Variants in PLPPR5 observed in about 807,000 individuals in gnomAD.
PLPPR5 encodes phospholipid phosphatase related 5, also known as phospholipid phosphatase-related protein type 5.
Under a neutral mutation model 33.9 loss-of-function variants are expected in PLPPR5, and 16 were observed. The ratio of observed to expected loss-of-function variants is 0.47; its 90% CI spans 0.32 to 0.72. The LOEUF (loss-of-function observed/expected upper bound fraction) is 0.72. PLPPR5 is among the 30% of genes least tolerant of loss of function. The pLI, the probability that PLPPR5 is intolerant of heterozygous loss-of-function variation, is 0.03. For missense variants in PLPPR5, 301 were observed against 406.7 expected, an observed-to-expected ratio of 0.74 and a Z score of 2.23; for synonymous variants, 163 against 150.3, an observed-to-expected ratio of 1.08 and a Z score of -0.62.
intron 4 of PLPPR5, among the ~76,000 whole-genome samples, chr1:98,918,218 T>C (rs924486618): frequency 2.0e-5 from 3 of 152,198 alleles, no homozygotes; most frequent in Non-Finnish European, 2.9e-5. Flanking sequence ...TAATCCTGGA[T>C]CTCTCAGTTA....
At chr1:98,926,136 G>T (rs1649750493) in intron 3 of PLPPR5, among the ~76,000 whole-genome samples, 1 of 152,082 alleles carries the variant, frequency 6.6e-6, no homozygotes, top group Non-Finnish European at 1.5e-5. Flanking sequence ...CTTTTCTACA[G>T]ATCAAACAGC....
At chr1:98,986,149 A>C (rs1652256198) in intron 1 of PLPPR5, among the ~76,000 whole-genome samples, 1 of 151,980 alleles carries the variant, frequency 6.6e-6, no homozygotes, top group African/African-American at 2.4e-5. Flanking sequence ...TATTTATGAA[A>C]CATCTGAGTC....
In PLPPR5 at chr1:98,925,484, C is replaced by CT. The variant is rs1404318195; in HGVS notation, c.622-3427dup. Among the ~76,000 whole-genome samples the CT allele has an allele frequency of 2.0e-4, 30 of 152,282 alleles. 1 individual carries two copies. Among genetic ancestry groups the CT allele is most frequent in the Admixed American group, 1.8e-3 (27 of 15,288 alleles). ...GTGTATATTCTTCTACACTTTTTCT[C>CT]TTTGCTTATACAAATATATACAATA... is the stretch of plus-strand genomic sequence containing the variant. On this transcript the variant is annotated intron_variant, in intron 3 of 5. Transcript: ENST00000263177.
At chr1:98,963,103 T>G (rs1651305951) in intron 1 of PLPPR5, among the ~76,000 whole-genome samples, 1 of 152,256 alleles carries the variant, frequency 6.6e-6, no homozygotes, top group African/African-American at 2.4e-5. Context: ...TAGTCACAGC[T>G]AAGCATTTTC....
intron 1 of PLPPR5, among the ~76,000 whole-genome samples, chr1:98,964,625 A>C (rs1651366304): frequency 6.6e-6 from 1 of 152,076 alleles, no homozygotes; most frequent in Non-Finnish European, 1.5e-5. Flanking sequence ...AACTCAACCC[A>C]TCCCTACTCC....
chr1:98,980,146 T>C (rs991615512), intron 1 of PLPPR5, among the ~76,000 whole-genome samples: 1 of 152,056 alleles, frequency 6.6e-6, no homozygotes, highest in African/African-American at 2.4e-5. Context: ...TATTGTGATC[T>C]GTCTGAATCT....
At chr1:98,894,795 G>T (rs774562373) in intron 5 of PLPPR5, among the ~76,000 whole-genome samples, 4 of 152,042 alleles carry the variant, frequency 2.6e-5, no homozygotes, top group Admixed American at 6.6e-5. Flanking sequence ...CACTAACCTG[G>T]AAGGGAGAAT....
chr1:98,909,557 T>C (rs1434160575), intron 5 of PLPPR5, among the ~76,000 whole-genome samples: 1 of 151,968 alleles, frequency 6.6e-6, no homozygotes, highest in Non-Finnish European at 1.5e-5. Flanking sequence ...GTTTCACTGG[T>C]ACCAGACACA....
chr1:98,898,450 T>C (rs1174796820), intron 5 of PLPPR5, among the ~76,000 whole-genome samples: 1 of 152,154 alleles, frequency 6.6e-6, no homozygotes, highest in Admixed American at 6.6e-5. Context: ...CTTCATTCAC[T>C]GTGTCCTTTG....
At chr1:98,953,013 A>T (rs1650846116) in intron 3 of PLPPR5, 57 bp downstream of exon 3, 1 of 1,583,846 alleles carries the variant, frequency 6.3e-7, no homozygotes, top group East Asian at 2.3e-5. Context: ...GAATTTCTAC[A>T]TTGGAAAAAT....
chr1:98,892,775 A>C lies in PLPPR5; in HGVS notation c.*297T>G. On this transcript the variant is annotated 3_prime_UTR_variant, in exon 6 of 6. Transcript: ENST00000263177. ...AATTGCAATGATTCTGTGAGAAACT[A>C]AAGTGAATGTTTTATTTAAGAATTT... The C allele has an allele frequency of 3.3e-6, 1 of 299,852 alleles. No homozygotes were observed. The allele number at this position is 299,852 out of a possible 1,614,324, so 18.6% of individuals were successfully genotyped here.
chr1:98,933,176 G>C (rs1271682838), intron 3 of PLPPR5, among the ~76,000 whole-genome samples: 2 of 151,150 alleles, frequency 1.3e-5, no homozygotes, highest in East Asian at 3.9e-4. Flanking sequence ...GTCTTGCCTT[G>C]CATAGAGAGG....
intron 1 of PLPPR5, among the ~76,000 whole-genome samples, chr1:98,997,100 TA>T: frequency 6.6e-6 from 1 of 152,308 alleles, no homozygotes; most frequent in African/African-American, 2.4e-5. Flanking sequence ...TAAGTACACA[TA>T]ATGTCATTTG....
rs368223363 is a variant in PLPPR5, at chr1:98,953,129, G to T, written c.562C>A (p.Arg188=). 6.2e-7 allele frequency: 1 copy of T among 1,613,834 alleles called. No homozygotes were observed. The highest frequency in any genetic ancestry group is 8.5e-7 in the Non-Finnish European group (1 of 1,179,998). The part of the protein sequence containing the change: ...TGNPDLIMRA[R]KTFPSKEAAL... ...GCTTCTTTGGATGGAAAGGTTTTTC[G>T]GGCTCTCATGATGAGATCTGGGTTG... The change falls in exon 3 of 6, where the codon CGA becomes AGA. Residue 188 remains arginine (R), a synonymous_variant. Coordinates refer to ENST00000263177, the MANE Select transcript of PLPPR5 (RefSeq NM_001037317.2).
At chr1:98,921,627 T>G (rs80268272) in intron 4 of PLPPR5, among the ~76,000 whole-genome samples, 3,126 of 152,308 alleles carry the variant, frequency 0.021, 35 homozygotes, top group African/African-American at 0.028. Flanking sequence ...CCAGCTCTAT[T>G]TTATATGAAA....
chr1:98,954,666 T>C (rs888753692), intron 2 of PLPPR5, among the ~76,000 whole-genome samples: 12 of 152,126 alleles, frequency 7.9e-5, no homozygotes, highest in Non-Finnish European at 1.5e-5. Context: ...ACTCTTTATC[T>C]AAAAAGCAAA....
intron 5 of PLPPR5, among the ~76,000 whole-genome samples, chr1:98,906,692 T>C (rs1648913886): frequency 6.6e-6 from 1 of 152,326 alleles, no homozygotes; most frequent in Middle Eastern, 3.4e-3. Context: ...ACGGAATTTA[T>C]AGGGTTCTTT....
At chr1:98,902,396 C>T (rs1195461095) in intron 5 of PLPPR5, among the ~76,000 whole-genome samples, 1 of 151,910 alleles carries the variant, frequency 6.6e-6, no homozygotes, top group African/African-American at 2.4e-5. Context: ...TGTGATGACC[C>T]CATAGATACT....
intron 1 of PLPPR5, among the ~76,000 whole-genome samples, chr1:98,978,649 T>C (rs1651950479): frequency 6.6e-6 from 1 of 152,044 alleles, no homozygotes; most frequent in South Asian, 2.1e-4. Flanking sequence ...TGATGGTTTT[T>C]TAATCTGTTT....
Sources: gnomAD v4.1 joint callset for allele counts (sites outside exome capture counted in the v4.1 genomes callset) on GRCh38, gnomAD v4.1.1 for gene constraint, MANE v1.5 for transcripts, NCBI Gene and HGNC (gene_info 2026-07-23, HGNC 2026-07-21) for gene names.